The following DLG2 variants were observed in gnomAD, a reference collection of about 807,000 sequenced individuals.
DLG2 encodes discs large MAGUK scaffold protein 2, also known as disks large homolog 2.
DLG2 carries 45 observed loss-of-function variants against 132.5 expected under a neutral mutation model. That is an observed-to-expected ratio of 0.34 (90% confidence interval 0.27 to 0.44). The LOEUF is 0.44. Ranked by LOEUF, DLG2 falls within the 20% of genes least tolerant of loss-of-function variation. The pLI, the probability that DLG2 is intolerant of heterozygous loss-of-function variation, is 1.00. For missense variants in DLG2, 1,045 were observed against 1,196.9 expected, an observed-to-expected ratio of 0.87 and a Z score of 1.87; for synonymous variants, 424 against 419.6, an observed-to-expected ratio of 1.01 and a Z score of -0.13.
intron 15 of DLG2, among the ~76,000 whole-genome samples, chr11:83,902,978 T>C (rs74410121): frequency 5.9e-5 from 9 of 152,148 alleles, no homozygotes. Context: ...TCCATTGCCA[T>C]TGTTCTATGA....
intron 4 of DLG2, among the ~76,000 whole-genome samples, chr11:85,161,200 G>C (rs930781604): frequency 4.6e-5 from 7 of 152,244 alleles, no homozygotes; most frequent in African/African-American, 1.7e-4. Flanking sequence ...TAATAATTAA[G>C]TGGATAGGAT....
chr11:85,149,003 G>A (rs577273398), intron 5 of DLG2, among the ~76,000 whole-genome samples: 14 of 152,256 alleles, frequency 9.2e-5, no homozygotes, highest in Non-Finnish European at 1.5e-4. Context: ...TATTAAATAC[G>A]GAATCCTTTC....
chr11:83,771,676 C>T (rs960089546), intron 18 of DLG2, among the ~76,000 whole-genome samples: 2 of 151,994 alleles, frequency 1.3e-5, no homozygotes, highest in African/African-American at 2.4e-5. Context: ...ATAAGACCAC[C>T]GTTGTATATG....
intron 18 of DLG2, among the ~76,000 whole-genome samples, chr11:83,722,952 T>A (rs1463352201): frequency 2.0e-5 from 3 of 152,196 alleles, no homozygotes; most frequent in Admixed American, 6.5e-5. Flanking sequence ...TCATAAAACA[T>A]TTAAAAAATT....
chr11:84,380,451 A>C (rs2154433821), intron 7 of DLG2, among the ~76,000 whole-genome samples: 1 of 152,188 alleles, frequency 6.6e-6, no homozygotes, highest in East Asian at 1.9e-4. Context: ...GAATAAAGAA[A>C]TAGCTTTGAA....
intron 18 of DLG2, among the ~76,000 whole-genome samples, chr11:83,656,170 G>A (rs1162118224): frequency 1.3e-5 from 2 of 152,086 alleles, no homozygotes; most frequent in African/African-American, 4.8e-5. Context: ...CAGTCAGCAG[G>A]GTGACACTCA....
chr11:83,857,635 T>C (rs2060751763), intron 16 of DLG2, among the ~76,000 whole-genome samples: 1 of 152,166 alleles, frequency 6.6e-6, no homozygotes, highest in South Asian at 2.1e-4. Context: ...TCCAAACCCT[T>C]AGAATGTGCA....
intron 3 of DLG2, among the ~76,000 whole-genome samples, chr11:85,499,399 A>G (rs947029301): frequency 1.3e-5 from 2 of 152,244 alleles, no homozygotes; most frequent in African/African-American, 4.8e-5. Flanking sequence ...AACCAGGAAG[A>G]AGTTTAATCT....
chr11:84,817,578 C>A (rs1316244444), intron 6 of DLG2, among the ~76,000 whole-genome samples: 5 of 151,914 alleles, frequency 3.3e-5, no homozygotes, highest in Non-Finnish European at 7.4e-5. Context: ...TACTAGTTGA[C>A]AAAGAAGATT....
intron 9 of DLG2, among the ~76,000 whole-genome samples, chr11:84,100,859 A>C (rs2092460904): frequency 6.6e-6 from 1 of 152,110 alleles, no homozygotes; most frequent in Non-Finnish European, 1.5e-5. Context: ...TTATTGACTA[A>C]ATTTATAAAA....
chr11:84,705,431 G>C (rs1027004791), intron 6 of DLG2, among the ~76,000 whole-genome samples: 2 of 151,676 alleles, frequency 1.3e-5, no homozygotes, highest in Non-Finnish European at 3.0e-5. Flanking sequence ...CAGTTCTATT[G>C]AAGACACTGG....
chr11:83,990,431 C>A (rs1038199587), intron 11 of DLG2, among the ~76,000 whole-genome samples: 1 of 152,054 alleles, frequency 6.6e-6, no homozygotes, highest in Non-Finnish European at 1.5e-5. Flanking sequence ...AGTTTTTCCA[C>A]ACAAAATCTT....
At chr11:84,438,658 T>C (rs987353296) in intron 7 of DLG2, among the ~76,000 whole-genome samples, 3 of 152,148 alleles carry the variant, frequency 2.0e-5, no homozygotes, top group Non-Finnish European at 4.4e-5. Flanking sequence ...TAGACTATTA[T>C]GTGAGGCACC....
rs931380049 is a variant in DLG2, at chr11:84,365,026, T to C, written c.520-113735A>G. Reference sequence around the variant, plus strand: ...TGGTATCAGGATGATGCTGGCCTCATAAAATGAGTTAGGGAGGATTCCCTC... The same window carrying C: ...TGGTATCAGGATGATGCTGGCCTCACAAAATGAGTTAGGGAGGATTCCCTC... On this transcript the variant is annotated intron_variant, in intron 7 of 27. Transcript: ENST00000376104. Among the ~76,000 whole-genome samples, 119 of 152,262 alleles carry C rather than the reference T, an allele frequency of 7.8e-4. 2 individuals carry two copies. The highest frequency in any genetic ancestry group is 2.6e-3 in the African/African-American group (109 of 41,560).
intron 15 of DLG2, among the ~76,000 whole-genome samples, chr11:83,898,525 T>C (rs781458532): frequency 1.3e-5 from 2 of 152,136 alleles, no homozygotes; most frequent in East Asian, 1.9e-4. Flanking sequence ...CATTAGTCTA[T>C]GCTAGTATTG....
At chr11:85,534,145 G>A (rs923871702) in intron 3 of DLG2, among the ~76,000 whole-genome samples, 7 of 151,926 alleles carry the variant, frequency 4.6e-5, no homozygotes, top group African/African-American at 1.7e-4. Flanking sequence ...GCGCAACCAT[G>A]CCTGGCTAAT....
intron 6 of DLG2, among the ~76,000 whole-genome samples, chr11:84,578,554 C>A (rs2154528776): frequency 6.6e-6 from 1 of 152,226 alleles, no homozygotes; most frequent in African/African-American, 2.4e-5. Flanking sequence ...GGCCCTGTAA[C>A]CCCTTTGTTT....
chr11:83,669,093 G>T (rs1247180620), intron 18 of DLG2, among the ~76,000 whole-genome samples: 2 of 151,886 alleles, frequency 1.3e-5, no homozygotes, highest in African/African-American at 2.4e-5. Context: ...TGTACTAATT[G>T]ATCTGTTTAT....
chr11:85,223,404 C>A (rs2074781238), intron 4 of DLG2, among the ~76,000 whole-genome samples: 1 of 152,034 alleles, frequency 6.6e-6, no homozygotes, highest in Non-Finnish European at 1.5e-5. Context: ...GGAGACTGAG[C>A]TGTGCAGATG....
Sources: allele counts gnomAD v4.1 joint callset (sites outside exome capture counted in the v4.1 genomes callset), GRCh38; gene constraint gnomAD v4.1.1; transcripts MANE v1.5; gene names NCBI Gene and HGNC (gene_info 2026-07-23, HGNC 2026-07-21).